GDAP1: variants seen among roughly 807,000 people sequenced by gnomAD.
GDAP1 encodes the protein ganglioside induced differentiation associated protein 1.
Under a neutral mutation model 40.1 loss-of-function variants are expected in GDAP1, and 34 were observed. The observed-to-expected ratio is 0.85, with a 90% CI of 0.64 to 1.13. GDAP1 has a LOEUF of 1.13. GDAP1 is among the 50% of genes most tolerant of loss of function. GDAP1 has a pLI of 0.00. For missense variants in GDAP1, 374 were observed against 433.7 expected, an observed-to-expected ratio of 0.86 and a Z score of 1.22; for synonymous variants, 170 against 157.4, an observed-to-expected ratio of 1.08 and a Z score of -0.60.
At chr8:74,407,025 T>C (rs1024333769) in intron 2 of GDAP1, among the ~76,000 whole-genome samples, 15 of 149,976 alleles carry the variant, frequency 1.0e-4, no homozygotes, top group East Asian at 1.9e-4. Flanking sequence ...TAATTCTTCA[T>C]TGGAGTTGGC....
At chr8:74,430,625 AAGT>A (rs1298940056) in intron 2 of GDAP1, among the ~76,000 whole-genome samples, 3 of 152,158 alleles carry the variant, frequency 2.0e-5, no homozygotes, top group Non-Finnish European at 1.5e-5. Context: ...GGGAGAGAGA[AAGT>A]AGGGTAAAGA....
chr8:74,409,471 C>G (rs1805681484), intron 2 of GDAP1, among the ~76,000 whole-genome samples: 1 of 149,782 alleles, frequency 6.7e-6, no homozygotes, highest in Non-Finnish European at 1.5e-5. Flanking sequence ...CCTGCCCCAG[C>G]CTCCGGAGTA....
At chr8:74,352,417 G>C (rs900850540) in intron 2 of GDAP1, among the ~76,000 whole-genome samples, 1 of 1,954 alleles carries the variant, frequency 5.1e-4, no homozygotes, top group African/African-American at 6.9e-4. Context: ...ATGTTAATAG[G>C]GTAGGTGAAA....
Position 74,381,950 on chromosome 8 carries a change from C to T in GDAP1, c.165+30629C>T, listed in dbSNP as rs4520151. On this transcript the variant is annotated intron_variant, in intron 2 of 2. Coordinates refer to the GDAP1 transcript ENST00000523640. Reference sequence around the variant, plus strand: ...CTTTGGGAGGTCAATCCTCTGCTTTCGCCTTCATTTCCTTTAATATTGGCC... The same window carrying T: ...CTTTGGGAGGTCAATCCTCTGCTTTTGCCTTCATTTCCTTTAATATTGGCC... Among the ~76,000 whole-genome samples, 115 of 152,020 alleles carry T rather than the reference C, an allele frequency of 7.6e-4. 1 individual carries two copies. The South Asian group carries it at 0.022, about 30-fold the overall frequency.
rs2131493669 is a variant in GDAP1, at chr8:74,350,509, G to A, written c.48G>A (p.Ala16=). 6.2e-7 allele frequency: 1 copy of A among 1,613,724 alleles called. No homozygotes were observed. Among genetic ancestry groups the A allele is most frequent in the Admixed American group, 1.7e-5 (1 of 60,034 alleles). ...EEQRGSPPLR[A]EGKADAEVKL... is the part of the protein sequence containing the mutation. ...AGAGAGGGAGCCCGCCCTTGAGGGC[G>A]GAAGGCAAGGCCGACGCGGAGGTTA... is the stretch of plus-strand genomic sequence containing the variant. The change falls in exon 1 of 6, where the codon GCG becomes GCA. Residue 16 remains alanine, a synonymous_variant. Transcript: ENST00000220822.
At chr8:74,399,589 T>C (rs1006151773) in intron 2 of GDAP1, among the ~76,000 whole-genome samples, 1 of 140,828 alleles carries the variant, frequency 7.1e-6, no homozygotes, top group African/African-American at 3.0e-5. Flanking sequence ...TGCCTTCTGC[T>C]AGCTTTTGAA....
At chr8:74,476,383 G>T (rs1163389141) in intron 2 of GDAP1, among the ~76,000 whole-genome samples, 1 of 152,082 alleles carries the variant, frequency 6.6e-6, no homozygotes, top group Admixed American at 6.6e-5. Context: ...TAGTGTCAAT[G>T]GTCTGTGTAT....
At chr8:74,449,474 C>A (rs1806271203) in intron 2 of GDAP1, among the ~76,000 whole-genome samples, 1 of 151,710 alleles carries the variant, frequency 6.6e-6, no homozygotes, top group Admixed American at 6.6e-5. Context: ...TATATATCTT[C>A]ATTTATTTAG....
At chr8:74,485,131 C>CA (rs1039830500) in intron 2 of GDAP1, among the ~76,000 whole-genome samples, 4 of 152,136 alleles carry the variant, frequency 2.6e-5, no homozygotes, top group Non-Finnish European at 5.9e-5. Flanking sequence ...TTGGGTTCCA[C>CA]AGCTTAAAAT....
chr8:74,481,606 C>G (rs1462515261), intron 2 of GDAP1, among the ~76,000 whole-genome samples: 1 of 152,186 alleles, frequency 6.6e-6, no homozygotes, highest in Non-Finnish European at 1.5e-5. Flanking sequence ...AATAACAACT[C>G]CCTTTCTAAT....
chr8:74,474,532 C>G (rs1242615273), intron 2 of GDAP1, among the ~76,000 whole-genome samples: 1 of 152,106 alleles, frequency 6.6e-6, no homozygotes, highest in East Asian at 1.9e-4. Flanking sequence ...AAAGCCTTTT[C>G]TGCATCTTTT....
At position 74,366,333 on chromosome 8, in the gene GDAP1, A is replaced by G. The variant is rs1300978505; in HGVS notation, c.*1966A>G. 2.2e-6 allele frequency: 1 copy of G among 454,470 alleles called. No homozygotes were observed. The highest frequency in any genetic ancestry group is 4.4e-6 in the Non-Finnish European group (1 of 226,756). 28.2% of individuals were successfully genotyped at this position (454,470 alleles called of 1,614,324 possible). A position where few individuals can be genotyped will look rare whatever the true frequency, so the allele number is the denominator to read the frequency against. On this transcript the variant is annotated 3_prime_UTR_variant, in exon 6 of 6. Coordinates refer to ENST00000220822, the MANE Select transcript of GDAP1 (RefSeq NM_018972.4). The stretch of plus-strand genomic sequence containing the variant: ...CTAAGATTGAGTGTTCTTTTTGTTC[A>G]GCAACTCTTCTAAAATGTTTCAAGC...
At chr8:74,404,097 T>C (rs1805604506) in intron 2 of GDAP1, among the ~76,000 whole-genome samples, 1 of 149,930 alleles carries the variant, frequency 6.7e-6, no homozygotes, top group South Asian at 2.1e-4. Context: ...TGATAATGGC[T>C]ATTTCTTGAG....
At chr8:74,465,323 C>T (rs1490442606) in intron 2 of GDAP1, among the ~76,000 whole-genome samples, 1 of 152,158 alleles carries the variant, frequency 6.6e-6, no homozygotes, top group East Asian at 1.9e-4. Flanking sequence ...CACCCACTTG[C>T]TCAAGCCAGA....
At chr8:74,380,964 C>A (rs1442372935) in intron 2 of GDAP1, among the ~76,000 whole-genome samples, 2 of 151,920 alleles carry the variant, frequency 1.3e-5, no homozygotes, top group African/African-American at 4.8e-5. Context: ...CTGTCCAGTG[C>A]AATTTTCTTT....
At chr8:74,355,663 A>C (rs1277371935) in intron 2 of GDAP1, among the ~76,000 whole-genome samples, 1 of 152,216 alleles carries the variant, frequency 6.6e-6, no homozygotes, top group Non-Finnish European at 1.5e-5. Context: ...TCTTTAAATA[A>C]AATTTAACTT....
chr8:74,407,554 A>T (rs893206815), intron 2 of GDAP1, among the ~76,000 whole-genome samples: 5 of 149,804 alleles, frequency 3.3e-5, no homozygotes, highest in Admixed American at 2.6e-4. Flanking sequence ...ACTCAGACTG[A>T]GTCACTACTG....
intron 2 of GDAP1, among the ~76,000 whole-genome samples, chr8:74,413,195 T>C (rs1303461595): frequency 6.7e-6 from 1 of 149,492 alleles, no homozygotes; most frequent in African/African-American, 2.6e-5. Flanking sequence ...GAAGTAAGCA[T>C]GCTTCCCCTG....
chr8:74,408,533 T>C (rs1175940685), intron 2 of GDAP1, among the ~76,000 whole-genome samples: 1 of 150,052 alleles, frequency 6.7e-6, no homozygotes, highest in Non-Finnish European at 1.5e-5. Flanking sequence ...CAGGACTTAA[T>C]GAAAAGGCAC....
Sources: gnomAD v4.1 joint callset for allele counts (sites outside exome capture counted in the v4.1 genomes callset) on GRCh38, gnomAD v4.1.1 for gene constraint, MANE v1.5 for transcripts, NCBI Gene and HGNC (gene_info 2026-07-23, HGNC 2026-07-21) for gene names.